Variants in CADPS observed in about 807,000 individuals in gnomAD.
CADPS encodes calcium-dependent secretion activator 1.
A neutral mutation model predicts 167.3 loss-of-function variants in CADPS; 57 were observed. The ratio of observed to expected loss-of-function variants is 0.34; its 90% CI spans 0.28 to 0.42. The LOEUF is 0.42. CADPS is among the 20% of genes least tolerant of loss of function. The probability of loss-of-function intolerance (pLI) is 1.00; values close to 1 mark genes in which losing one functional copy is unlikely to be tolerated. For synonymous variants in CADPS, 676 were observed against 635.3 expected, an observed-to-expected ratio of 1.06 and a Z score of -0.96; for missense variants, 1,414 against 1,738.1, an observed-to-expected ratio of 0.81 and a Z score of 3.32.
chr3:62,785,058 G>C (rs1402641518), intron 1 of CADPS, among the ~76,000 whole-genome samples: 1 of 152,112 alleles, frequency 6.6e-6, no homozygotes, highest in African/African-American at 2.4e-5. Flanking sequence ...CCTGGAACAT[G>C]CTTTAAAATA....
intron 3 of CADPS, among the ~76,000 whole-genome samples, chr3:62,681,577 C>A (rs1165764477): frequency 4.6e-5 from 7 of 152,048 alleles, no homozygotes; most frequent in African/African-American, 1.7e-4. Context: ...AGACTAGAAA[C>A]TTCTGAGGGC....
At chr3:62,549,449 T>G (rs898955998) in intron 11 of CADPS, among the ~76,000 whole-genome samples, 4 of 149,104 alleles carry the variant, frequency 2.7e-5, no homozygotes, top group Admixed American at 6.7e-5. Flanking sequence ...TGTTTTGTGT[T>G]TTTTTTTTTT....
chr3:62,796,896 C>T (rs1576534881), intron 1 of CADPS, among the ~76,000 whole-genome samples: 1 of 152,278 alleles, frequency 6.6e-6, no homozygotes, highest in African/African-American at 2.4e-5. Context: ...GAAAACACTG[C>T]TTCCCATAAT....
At chr3:62,471,632 TGG>T (rs1456390742) in intron 24 of CADPS, among the ~76,000 whole-genome samples, 2 of 152,082 alleles carry the variant, frequency 1.3e-5, no homozygotes, top group African/African-American at 2.4e-5. Context: ...TGAATCAAGC[TGG>T]GGAGGGACTG....
chr3:62,532,317 C>A (rs1211316723), intron 13 of CADPS, among the ~76,000 whole-genome samples: 2 of 152,188 alleles, frequency 1.3e-5, no homozygotes, highest in Non-Finnish European at 2.9e-5. Context: ...GAGCATCAAT[C>A]TGAATGTAAC....
chr3:62,866,137 A>G (rs1452100837), intron 1 of CADPS, among the ~76,000 whole-genome samples: 1 of 152,170 alleles, frequency 6.6e-6, no homozygotes, highest in Non-Finnish European at 1.5e-5. Context: ...ATTCATAAAG[A>G]AGGCTTTTCT....
At chr3:62,841,243 A>G (rs2076602830) in intron 1 of CADPS, among the ~76,000 whole-genome samples, 1 of 152,204 alleles carries the variant, frequency 6.6e-6, no homozygotes, top group East Asian at 1.9e-4. Context: ...AAAACTCTTT[A>G]GTCTAAAACA....
intron 10 of CADPS, among the ~76,000 whole-genome samples, chr3:62,550,591 C>G (rs746654174): frequency 6.6e-6 from 1 of 152,098 alleles, no homozygotes; most frequent in Non-Finnish European, 1.5e-5. Context: ...TGATTCAGTA[C>G]GTCCGGAACA....
rs796419039 is a variant in CADPS at position 62,820,793 on chromosome 3, TGG to T, written c.441+53794_441+53795del. ...ACTTACTCTTTCTTCCTCTTTTTTT[TGG>T]TTTTTTTTTTTTTTCTGTCTTTTCG... On this transcript the variant is annotated intron_variant, in intron 1 of 29. Coordinates refer to ENST00000383710, the MANE Select transcript of CADPS (RefSeq NM_003716.4). Among the ~76,000 whole-genome samples, 586 of 67,346 alleles carry T rather than the reference TGG, an allele frequency of 8.7e-3. 7 individuals are homozygous for T. Among genetic ancestry groups the T allele is most frequent in the African/African-American group, 0.018 (461 of 25,316 alleles). 44.2% of individuals were successfully genotyped at this position (67,346 alleles called of 152,430 possible). A position where few individuals can be genotyped will look rare whatever the true frequency, so the allele number is the denominator to read the frequency against.
At chr3:62,576,986 T>C (rs770480946) in intron 8 of CADPS, among the ~76,000 whole-genome samples, 2 of 151,924 alleles carry the variant, frequency 1.3e-5, no homozygotes, top group African/African-American at 4.8e-5. Flanking sequence ...CACTGACATC[T>C]CTGTTATTCA....
chr3:62,687,668 A>C (rs1563852182), intron 3 of CADPS, among the ~76,000 whole-genome samples: 1 of 150,574 alleles, frequency 6.6e-6, no homozygotes, highest in Admixed American at 6.6e-5. Flanking sequence ...TGTATACTGA[A>C]ATCTTATCCT....
At chr3:62,873,483 A>C (rs77664682) in intron 1 of CADPS, among the ~76,000 whole-genome samples, 103 of 152,074 alleles carry the variant, frequency 6.8e-4, no homozygotes, top group African/African-American at 2.4e-3. Flanking sequence ...CAGAACGCTG[A>C]CTTTCTTCAC....
chr3:62,403,172 C>G lies in CADPS; in HGVS notation c.3791G>C (p.Ser1264Thr), dbSNP rs1377205076. ...IERLFDQWYN[S>T]SMNVICTWLT... is the part of the protein sequence containing the mutation. Reference sequence around the variant, plus strand: ...CCAGGTGCAGATCACGTTCATGGAGCTGTTGTACCATTGCTGAAAAAAGAG... The same window carrying G: ...CCAGGTGCAGATCACGTTCATGGAGGTGTTGTACCATTGCTGAAAAAAGAG... Residue 1264 changes from serine to threonine, a missense_variant, in exon 29 of 30, where the codon AGC becomes ACC. Transcript: ENST00000383710. The G allele has an allele frequency of 1.2e-6, 2 of 1,612,706 alleles. No homozygotes were observed. The highest frequency in any genetic ancestry group is 2.2e-5 in the East Asian group (1 of 44,850).
At chr3:62,598,855 G>A (rs2059283027) in intron 6 of CADPS, among the ~76,000 whole-genome samples, 1 of 152,142 alleles carries the variant, frequency 6.6e-6, no homozygotes, top group Non-Finnish European at 1.5e-5. Context: ...GAAAAGGGAA[G>A]TTCTGTTTCA....
Position 62,433,547 on chromosome 3 carries a change from C to A in CADPS, c.3777+4557G>T, listed in dbSNP as rs2149667231. ...TAATTGACCTATATAATCCATGTAT[C>A]ATCTCCAGTCAAATGTTCCCTGGGC... is the stretch of plus-strand genomic sequence containing the variant. On this transcript the variant is annotated intron_variant, in intron 28 of 29. Transcript: ENST00000383710. The surrounding 1 kb of genome is among the most constrained non-coding windows in gnomAD (Gnocchi z 4.7). 6.6e-6 allele frequency among the ~76,000 whole-genome samples: 1 copy of A among 152,266 alleles called. No homozygotes were observed. Among genetic ancestry groups the A allele is most frequent in the South Asian group, 2.1e-4 (1 of 4,828 alleles).
chr3:62,680,901 G>T (rs1277910801), intron 3 of CADPS, among the ~76,000 whole-genome samples: 1 of 151,984 alleles, frequency 6.6e-6, no homozygotes, highest in East Asian at 1.9e-4. Context: ...CTGAAACCAT[G>T]TGGATTCCAT....
intron 6 of CADPS, among the ~76,000 whole-genome samples, chr3:62,607,411 C>T (rs911037992): frequency 3.3e-5 from 5 of 152,156 alleles, no homozygotes; most frequent in South Asian, 2.1e-4. Flanking sequence ...TCTCAAATCA[C>T]GAACGCTCAA....
In CADPS at chr3:62,601,025, T is replaced by A. The variant is rs2059882638; in HGVS notation, c.1326-8277A>T. On this transcript the variant is annotated intron_variant, in intron 6 of 29. Transcript: ENST00000383710. The surrounding 1 kb of genome is among the most constrained non-coding windows in gnomAD (Gnocchi z 4.3). ...TATGTAGGACATAAGCTATTGGATA[T>A]GTGGTGTTTACCTCAATACGTGGCA... is the stretch of plus-strand genomic sequence containing the variant. Among the ~76,000 whole-genome samples, 1 of 152,218 alleles carries A rather than the reference T, an allele frequency of 6.6e-6. No individual in the cohort carries two copies. Among genetic ancestry groups the A allele is most frequent in the East Asian group, 1.9e-4 (1 of 5,172 alleles).
chr3:62,759,274 C>T (rs780673363), intron 2 of CADPS, among the ~76,000 whole-genome samples: 1 of 152,088 alleles, frequency 6.6e-6, no homozygotes, highest in Non-Finnish European at 1.5e-5. Context: ...TCCCTGAATC[C>T]TGATTCAGTG....
Sources: allele counts gnomAD v4.1 joint callset (sites outside exome capture counted in the v4.1 genomes callset), GRCh38; gene constraint gnomAD v4.1.1; non-coding constraint Gnocchi (gnomAD v3.1); transcripts MANE v1.5; gene names NCBI Gene and HGNC (gene_info 2026-07-23, HGNC 2026-07-21).